Variants in TOPAZ1 observed in about 807,000 individuals in gnomAD.
The protein encoded by TOPAZ1 is testis and ovary specific TOPAZ 1, also known as protein TOPAZ1.
A neutral mutation model predicts 172.2 loss-of-function variants in TOPAZ1; 66 were observed. The observed-to-expected ratio is 0.38, with a 90% CI of 0.31 to 0.47. TOPAZ1 has a LOEUF of 0.47. Among genes scored for constraint, TOPAZ1 ranks in the 20% least tolerant of loss-of-function variants. The pLI is 0.99. For synonymous variants in TOPAZ1, 681 were observed against 683.9 expected (o/e 1.00, Z 0.07); for missense variants, 1,822 against 1,972.4 (o/e 0.92, Z 1.44).
chr3:44,302,003 TAC>T (rs1168122245), intron 12 of TOPAZ1, among the ~76,000 whole-genome samples: 1 of 152,236 alleles, frequency 6.6e-6, no homozygotes, highest in African/African-American at 2.4e-5. Context: ...ACTTCATTTT[TAC>T]AGTTAGGTTT....
At chr3:44,315,495 G>T (rs1280498298) in intron 16 of TOPAZ1, among the ~76,000 whole-genome samples, 1 of 149,944 alleles carries the variant, frequency 6.7e-6, no homozygotes, top group Non-Finnish European at 1.5e-5. Flanking sequence ...AGCCTCCCAA[G>T]TAGCTGGGAT....
chr3:44,333,801 A>G (rs1308374588), downstream of TOPAZ1, among the ~76,000 whole-genome samples: 1 of 152,204 alleles, frequency 6.6e-6, no homozygotes, highest in African/African-American at 2.4e-5. Context: ...GAATTTACTG[A>G]CAACAGTATA....
chr3:44,268,366 CTTTTTTT>C (rs34027226), intron 6 of TOPAZ1, among the ~76,000 whole-genome samples: 1,097 of 67,462 alleles, frequency 0.016, 12 homozygotes, highest in African/African-American at 0.057. Context: ...GGTGCCTATT[CTTTTTTT>C]TTTTTTTTTT....
intron 12 of TOPAZ1, among the ~76,000 whole-genome samples, chr3:44,296,930 G>A (rs961983543): frequency 6.7e-6 from 1 of 149,942 alleles, no homozygotes. Context: ...TCAGCACTTT[G>A]AGAGGCCGAG....
chr3:44,293,300 AT>A (rs2125695003), intron 12 of TOPAZ1, among the ~76,000 whole-genome samples: 1 of 152,228 alleles, frequency 6.6e-6, no homozygotes. Context: ...TCCTACTTAT[AT>A]TTTTTTAAAG....
intron 11 of TOPAZ1, among the ~76,000 whole-genome samples, chr3:44,289,273 G>A (rs892302227): frequency 5.3e-5 from 8 of 152,238 alleles, no homozygotes; most frequent in South Asian, 2.1e-4. Flanking sequence ...GTTGTAGAGC[G>A]TAACAGTAAA....
chr3:44,333,988 A>G (rs1183985682), downstream of TOPAZ1, among the ~76,000 whole-genome samples: 1 of 152,182 alleles, frequency 6.6e-6, no homozygotes, highest in Non-Finnish European at 1.5e-5. Flanking sequence ...GTAATGATAA[A>G]TGATTATATT....
chr3:44,294,309 G>A (rs561220156), intron 12 of TOPAZ1, among the ~76,000 whole-genome samples: 26 of 152,168 alleles, frequency 1.7e-4, no homozygotes, highest in Admixed American at 1.3e-3. Context: ...AGGTACTAAC[G>A]TTGGTGACCT....
chr3:44,283,170 CAA>C (rs750013826), intron 9 of TOPAZ1, among the ~76,000 whole-genome samples: 1 of 149,426 alleles, frequency 6.7e-6, no homozygotes, highest in Non-Finnish European at 1.5e-5. Context: ...GAATGCAGAA[CAA>C]AAATAAGCAC....
At chr3:44,261,088 C>A (rs1216386315) in intron 4 of TOPAZ1, among the ~76,000 whole-genome samples, 2 of 151,684 alleles carry the variant, frequency 1.3e-5, no homozygotes, top group African/African-American at 4.8e-5. Flanking sequence ...GGTTCTCTCT[C>A]TTGTATTTTT....
At chr3:44,255,268 G>T (rs936325497) in intron 3 of TOPAZ1, among the ~76,000 whole-genome samples, 1 of 152,102 alleles carries the variant, frequency 6.6e-6, no homozygotes, top group African/African-American at 2.4e-5. Flanking sequence ...CAAAAGATAG[G>T]TAATTGACCT....
chr3:44,284,500 T>G (rs76421067), intron 9 of TOPAZ1, among the ~76,000 whole-genome samples: 3,374 of 152,290 alleles, frequency 0.022, 72 homozygotes, highest in African/African-American at 0.055. Flanking sequence ...CATACCACAT[T>G]TTGTTTATAT....
At chr3:44,325,823 A>G (rs986439058) in intron 18 of TOPAZ1, among the ~76,000 whole-genome samples, 2 of 152,038 alleles carry the variant, frequency 1.3e-5, no homozygotes, top group African/African-American at 2.4e-5. Context: ...TTGTATTTTT[A>G]GTAGAGATGG....
At chr3:44,293,992 G>A (rs376921943) in intron 12 of TOPAZ1, among the ~76,000 whole-genome samples, 8 of 152,302 alleles carry the variant, frequency 5.3e-5, no homozygotes, top group African/African-American at 1.9e-4. Context: ...TGTAATCCCA[G>A]TACTTTGGGA....
chr3:44,277,085 C>G (rs552854125), intron 8 of TOPAZ1, among the ~76,000 whole-genome samples: 1 of 152,176 alleles, frequency 6.6e-6, no homozygotes, highest in Non-Finnish European at 1.5e-5. Context: ...GCCACCACAC[C>G]TGGCCCAGTA....
downstream of TOPAZ1, among the ~76,000 whole-genome samples, chr3:44,335,891 A>G (rs1019983846): frequency 2.0e-5 from 3 of 152,236 alleles, no homozygotes; most frequent in African/African-American, 7.2e-5. Context: ...CATATTCTGC[A>G]AAACCCAGCC....
At chr3:44,279,199 T>C (rs987805249) in intron 8 of TOPAZ1, among the ~76,000 whole-genome samples, 6 of 152,202 alleles carry the variant, frequency 3.9e-5, no homozygotes, top group African/African-American at 1.2e-4. Context: ...ATACTTGATA[T>C]GATTTTGATT....
chr3:44,252,933 T>C (rs1699651172), intron 2 of TOPAZ1, among the ~76,000 whole-genome samples: 3 of 152,142 alleles, frequency 2.0e-5, no homozygotes, highest in South Asian at 2.1e-4. Context: ...CATAAAATGA[T>C]AGGAGAAGTG....
chr3:44,245,841 T>C (rs2125676375), intron 2 of TOPAZ1, among the ~76,000 whole-genome samples: 1 of 152,286 alleles, frequency 6.6e-6, no homozygotes, highest in Admixed American at 6.5e-5. Flanking sequence ...ACCCAGCCCA[T>C]AGAGTGGCTT....
Sources: allele counts gnomAD v4.1 joint callset (sites outside exome capture counted in the v4.1 genomes callset), GRCh38; gene constraint gnomAD v4.1.1; transcripts MANE v1.5; gene names NCBI Gene and HGNC (gene_info 2026-07-23, HGNC 2026-07-21).